KRABD5: variants seen among roughly 807,000 people sequenced by gnomAD.
KRABD5 encodes KRAB domain-containing protein 5.
chr16:31,758,289 A>G, the KRABD5 span: 1 of 152,196 alleles, frequency 6.6e-6, no homozygotes, highest in African/African-American at 2.4e-5. Context: ...GAATAAAGTA[A>G]TACTCATCTC....
chr16:31,717,130 G>C, the KRABD5 span, among the ~76,000 whole-genome samples: 8 of 151,408 alleles, frequency 5.3e-5, no homozygotes, highest in Non-Finnish European at 1.0e-4. Context: ...CAAGTAGCTG[G>C]GATTATAGGT....
the KRABD5 span, chr16:31,754,596 A>C: frequency 4.1e-6 from 2 of 485,074 alleles, no homozygotes; most frequent in Non-Finnish European, 8.1e-6. Flanking sequence ...AACCATGTCC[A>C]TCAGAGTATC....
the KRABD5 span, among the ~76,000 whole-genome samples, chr16:31,735,889 T>A: frequency 6.6e-6 from 1 of 152,360 alleles, no homozygotes; most frequent in African/African-American, 2.4e-5. Flanking sequence ...TGTTATTTCA[T>A]TTCATATGCA....
chr16:31,726,721 C>T, the KRABD5 span, among the ~76,000 whole-genome samples: 42 of 152,232 alleles, frequency 2.8e-4, no homozygotes, highest in African/African-American at 9.6e-4. Context: ...GATCACGCCA[C>T]TGCACTCCAT....
chr16:31,725,260 C>T, the KRABD5 span, among the ~76,000 whole-genome samples: 1 of 152,162 alleles, frequency 6.6e-6, no homozygotes, highest in African/African-American at 2.4e-5. Context: ...GGATTACATG[C>T]TTGTGCCACC....
chr16:31,754,480 T>C, the KRABD5 span: 40 of 643,420 alleles, frequency 6.2e-5, no homozygotes, highest in South Asian at 6.1e-4. Flanking sequence ...ATAAATCTGA[T>C]ACAACATTAA....
At chr16:31,761,056 A>G in the KRABD5 span, 1 of 152,152 alleles carries the variant, frequency 6.6e-6, no homozygotes, top group Admixed American at 6.6e-5. Context: ...AGTCAGGCAG[A>G]GTTGACCCTG....
At chr16:31,751,606 C>T in the KRABD5 span, among the ~76,000 whole-genome samples, 4 of 152,124 alleles carry the variant, frequency 2.6e-5, no homozygotes, top group African/African-American at 4.8e-5. Flanking sequence ...CCTGTGGGAT[C>T]GATTGCAATG....
chr16:31,744,731 C>A, the KRABD5 span, among the ~76,000 whole-genome samples: 5 of 152,122 alleles, frequency 3.3e-5, no homozygotes, highest in African/African-American at 1.2e-4. Flanking sequence ...TGGTAGAATT[C>A]GGCTGTGAAT....
chr16:31,757,918 G>A, the KRABD5 span: 1 of 151,966 alleles, frequency 6.6e-6, no homozygotes, highest in Non-Finnish European at 1.5e-5. Flanking sequence ...AAGATATCTG[G>A]AAGGATGGAT....
At chr16:31,743,529 T>C in the KRABD5 span, among the ~76,000 whole-genome samples, 1 of 151,994 alleles carries the variant, frequency 6.6e-6, no homozygotes, top group African/African-American at 2.4e-5. Flanking sequence ...CTGTGGCCTT[T>C]TAGTGTAATT....
the KRABD5 span, among the ~76,000 whole-genome samples, chr16:31,727,417 A>G: frequency 6.6e-6 from 1 of 152,224 alleles, no homozygotes; most frequent in African/African-American, 2.4e-5. Context: ...GCAGTGTTGC[A>G]GCTCTATGAC....
the KRABD5 span, among the ~76,000 whole-genome samples, chr16:31,740,225 G>C: frequency 5.9e-5 from 9 of 151,966 alleles, no homozygotes; most frequent in African/African-American, 2.2e-4. Context: ...CTCAGCATTG[G>C]CCTACTTGAT....
At chr16:31,728,110 C>T in the KRABD5 span, among the ~76,000 whole-genome samples, 13 of 152,178 alleles carry the variant, frequency 8.5e-5, no homozygotes, top group Non-Finnish European at 1.9e-4. Flanking sequence ...CTGCCATGGC[C>T]TCCAAAAGCA....
chr16:31,759,540 C>A, the KRABD5 span: 4 of 944,096 alleles, frequency 4.2e-6, no homozygotes, highest in Non-Finnish European at 6.5e-6. Flanking sequence ...GTATGTACAT[C>A]TTCACAAAAA....
chr16:31,759,852 T>G, the KRABD5 span: 1 of 155,968 alleles, frequency 6.4e-6, no homozygotes, highest in South Asian at 1.9e-4. Flanking sequence ...TGTTTCTGTA[T>G]GTAATGTGGT....
the KRABD5 span, chr16:31,714,426 G>T: frequency 2.2e-6 from 1 of 456,260 alleles, no homozygotes; most frequent in South Asian, 1.5e-5. Flanking sequence ...AGGTAGGATT[G>T]GCAGCACTCC....
chr16:31,759,801 T>C, the KRABD5 span: 1 of 162,452 alleles, frequency 6.2e-6, no homozygotes, highest in African/African-American at 2.4e-5. Context: ...ATTCCTCAGT[T>C]ATGTAAATTA....
chr16:31,749,599 T>A, the KRABD5 span, among the ~76,000 whole-genome samples: 1 of 152,204 alleles, frequency 6.6e-6, no homozygotes, highest in African/African-American at 2.4e-5. Context: ...GAATGGGATC[T>A]TCCGATCCGT....
Sources: allele counts gnomAD v4.1 joint callset (sites outside exome capture counted in the v4.1 genomes callset), GRCh38; gene constraint gnomAD v4.1.1; transcripts MANE v1.5; gene names NCBI Gene and HGNC (gene_info 2026-07-23, HGNC 2026-07-21).